Variants in ZSWIM6 observed in about 807,000 individuals in gnomAD.
ZSWIM6 encodes the protein zinc finger SWIM-type containing 6, also known as zinc finger SWIM domain-containing protein 6.
Under a neutral mutation model 113.2 loss-of-function variants are expected in ZSWIM6, and 9 were observed. That is an observed-to-expected ratio of 0.08 (90% CI 0.05 to 0.14). The LOEUF (loss-of-function observed/expected upper bound fraction) is 0.14. ZSWIM6 is among the 10% of genes least tolerant of loss of function. ZSWIM6 has a pLI of 1.00. For missense variants in ZSWIM6, 1,162 were observed against 1,552.2 expected (o/e 0.75, Z 4.22); for synonymous variants, 611 against 606.5 (o/e 1.01, Z -0.11).
At chr5:61,534,210 T>G (rs1006848436) in intron 9 of ZSWIM6, among the ~76,000 whole-genome samples, 1 of 152,190 alleles carries the variant, frequency 6.6e-6, no homozygotes, top group African/African-American at 2.4e-5. Context: ...TTGAAGAATA[T>G]CAAATCACTA....
In ZSWIM6 at chr5:61,543,196, GT is replaced by G. The variant is rs577963993; in HGVS notation, c.2786-258del. ...ATTGTCTGAAATGGCAAGCAGCACA[GT>G]ACAAATACCAGCTACCAAGAGGATT... On this transcript the variant is annotated intron_variant, in intron 13 of 13. Coordinates refer to ENST00000252744, the MANE Select transcript of ZSWIM6 (RefSeq NM_020928.2). The surrounding 1 kb of genome is among the most constrained non-coding windows in gnomAD (Gnocchi z 4.3). 5.1e-4 allele frequency among the ~76,000 whole-genome samples: 78 copies of G among 151,488 alleles called. No individual in the cohort carries two copies. The highest frequency in any genetic ancestry group is 1.8e-3 in the African/African-American group (75 of 41,278).
At position 61,531,405 on chromosome 5, in the gene ZSWIM6, TTATCA is replaced by T. The variant is rs754594592; in HGVS notation, c.1985-53_1985-49del. On this transcript the variant is annotated intron_variant, in intron 8 of 13. Coordinates refer to ENST00000252744, the MANE Select transcript of ZSWIM6 (RefSeq NM_020928.2). ...TACGGGGAAGTATAAATATTTGTACTTATCATATCATCTGCAAAAGTAGTTTCTGA... is the reference window on the plus strand; with the variant it reads ...TACGGGGAAGTATAAATATTTGTACTTATCATCTGCAAAAGTAGTTTCTGA... The T allele has an allele frequency of 3.1e-4, 459 of 1,502,534 alleles. 1 individual carries two copies. The highest frequency in any genetic ancestry group is 4.0e-4 in the Non-Finnish European group (442 of 1,116,602). The allele number at this position is 1,502,534 out of a possible 1,614,324, so 93.1% of individuals were successfully genotyped here. A position where few individuals can be genotyped will look rare whatever the true frequency, so the allele number is the denominator to read the frequency against.
At chr5:61,512,802 G>T (rs572348689) in intron 4 of ZSWIM6, among the ~76,000 whole-genome samples, 6 of 151,880 alleles carry the variant, frequency 4.0e-5, no homozygotes, top group African/African-American at 1.4e-4. Context: ...CTGAATTTTT[G>T]CCCTTTTCTG....
chr5:61,363,111 G>C (rs1745066040), intron 1 of ZSWIM6, among the ~76,000 whole-genome samples: 1 of 152,204 alleles, frequency 6.6e-6, no homozygotes, highest in Admixed American at 6.5e-5. Context: ...TAGGGAGCCA[G>C]CTTACATATT....
Position 61,492,847 on chromosome 5 carries a change from T to C in ZSWIM6, c.1183-1413T>C, listed in dbSNP as rs543475188. Among the ~76,000 whole-genome samples, 4 of 152,260 alleles carry C rather than the reference T, an allele frequency of 2.6e-5. No individual in the cohort carries two copies. In the East Asian group the frequency reaches 7.7e-4, roughly 29 times the overall value. On this transcript the variant is annotated intron_variant, in intron 3 of 13. Coordinates refer to ENST00000252744, the MANE Select transcript of ZSWIM6 (RefSeq NM_020928.2). ...TCTATTCTAGATTTGGGCTGCTTTA[T>C]TGAAGATCTACTATTTTCTCCTTTC...
At chr5:61,539,080 G>C in intron 11 of ZSWIM6, 109 bp downstream of exon 11, 1 of 1,221,084 alleles carries the variant, frequency 8.2e-7, no homozygotes, top group Non-Finnish European at 1.1e-6. Flanking sequence ...TGTCAGATAG[G>C]TTGAAGGGAT....
intron 1 of ZSWIM6, among the ~76,000 whole-genome samples, chr5:61,358,965 C>T (rs188065448): frequency 6.6e-6 from 1 of 152,266 alleles, no homozygotes; most frequent in Admixed American, 6.5e-5. Flanking sequence ...TGTCTGGGAA[C>T]TTTAATCTCT....
At chr5:61,486,267 G>A (rs1748018737) in intron 2 of ZSWIM6, among the ~76,000 whole-genome samples, 1 of 152,020 alleles carries the variant, frequency 6.6e-6, no homozygotes, top group Non-Finnish European at 1.5e-5. Flanking sequence ...TCCATCTATG[G>A]TGCTGCATGG....
chr5:61,443,455 C>T (rs920938333), intron 1 of ZSWIM6, among the ~76,000 whole-genome samples: 4 of 152,094 alleles, frequency 2.6e-5, no homozygotes, highest in Non-Finnish European at 5.9e-5. Flanking sequence ...CTGTATAATT[C>T]TAACATAACA....
chr5:61,494,159 G>A, intron 3 of ZSWIM6, 101 bp from the exon 4 acceptor site: 3 of 1,278,312 alleles, frequency 2.3e-6, no homozygotes, highest in Non-Finnish European at 2.2e-6. Context: ...GAGAGAGAGA[G>A]AGAAACAGAG....
chr5:61,439,545 T>C (rs1746780833), intron 1 of ZSWIM6, among the ~76,000 whole-genome samples: 1 of 152,244 alleles, frequency 6.6e-6, no homozygotes, highest in Non-Finnish European at 1.5e-5. Context: ...TGTGTATTTT[T>C]ATGTTTGCTT....
intron 1 of ZSWIM6, among the ~76,000 whole-genome samples, chr5:61,337,457 T>C (rs190479127): frequency 9.8e-5 from 15 of 152,374 alleles, no homozygotes; most frequent in East Asian, 1.9e-4. Flanking sequence ...CTAAGGAATT[T>C]ATCCTATAGA....
rs1374744257 is a variant in ZSWIM6 at position 61,546,015 on chromosome 5, T to G, written c.*1698T>G. On this transcript the variant is annotated 3_prime_UTR_variant, in exon 14 of 14. Transcript: ENST00000252744. ...AATAGGTAAAAAGAAAAAAAAAGGT[T>G]GTAATTCATCACCCATGTAAACATG... is the stretch of plus-strand genomic sequence containing the variant. The G allele has an allele frequency of 2.0e-5, 3 of 152,216 alleles. No individual in the cohort carries two copies. Among genetic ancestry groups the G allele is most frequent in the Admixed American group, 6.5e-5 (1 of 15,276 alleles). 9.4% of individuals were successfully genotyped at this position (152,216 alleles called of 1,614,324 possible).
At chr5:61,398,144 T>G (rs1579975352) in intron 1 of ZSWIM6, among the ~76,000 whole-genome samples, 1 of 152,140 alleles carries the variant, frequency 6.6e-6, no homozygotes, top group African/African-American at 2.4e-5. Context: ...CCCCAACCCC[T>G]GGGGCCATGG....
At chr5:61,524,238 A>G (rs1014887432) in intron 5 of ZSWIM6, among the ~76,000 whole-genome samples, 14 of 152,204 alleles carry the variant, frequency 9.2e-5, no homozygotes, top group Admixed American at 9.2e-4. Context: ...AAAAAGCCCC[A>G]ATAGATTCAA....
intron 1 of ZSWIM6, among the ~76,000 whole-genome samples, chr5:61,361,137 G>A (rs1356323061): frequency 6.6e-6 from 1 of 152,172 alleles, no homozygotes; most frequent in Non-Finnish European, 1.5e-5. Flanking sequence ...CTGGGCTGAA[G>A]GAGAGGGACT....
At position 61,395,644 on chromosome 5, in the gene ZSWIM6, ATGC is replaced by A. The variant is rs570330269; in HGVS notation, c.676+62701_676+62703del. Among the ~76,000 whole-genome samples, 34 of 152,296 alleles carry A rather than the reference ATGC, an allele frequency of 2.2e-4. 2 individuals are homozygous for A. The South Asian group carries it at 6.4e-3, about 29-fold the overall frequency. ...AAAAAACACTTGGTTAAAAATTTCTATGCTGCTTTTTGATATATCAGGAAAGAT... is the reference window on the plus strand; with the variant it reads ...AAAAAACACTTGGTTAAAAATTTCTATGCTTTTTGATATATCAGGAAAGAT... On this transcript the variant is annotated intron_variant, in intron 1 of 13. Transcript: ENST00000252744.
chr5:61,399,962 T>TA (rs1419975941), intron 1 of ZSWIM6, among the ~76,000 whole-genome samples: 1 of 152,020 alleles, frequency 6.6e-6, no homozygotes, highest in Non-Finnish European at 1.5e-5. Context: ...CACTCGGGGG[T>TA]ATAGATGATC....
chr5:61,458,890 G>GA lies in ZSWIM6; in HGVS notation c.677-13779dup, dbSNP rs1202552333. The stretch of plus-strand genomic sequence containing the variant: ...GAGATTCCTTCTCAAAAAAAAAAAA[G>GA]AAAAAAAAAAAAGGAGGCCAAAGAC... On this transcript the variant is annotated intron_variant, in intron 1 of 13. Coordinates refer to ENST00000252744, the MANE Select transcript of ZSWIM6 (RefSeq NM_020928.2). 8.9e-3 allele frequency among the ~76,000 whole-genome samples: 1,175 copies of GA among 131,576 alleles called. 11 individuals are homozygous for GA. Among genetic ancestry groups the GA allele is most frequent in the African/African-American group, 0.029 (1,053 of 35,946 alleles). 86.3% of individuals were successfully genotyped at this position (131,576 alleles called of 152,430 possible).
Sources: allele counts gnomAD v4.1 joint callset (sites outside exome capture counted in the v4.1 genomes callset), GRCh38; gene constraint gnomAD v4.1.1; non-coding constraint Gnocchi (gnomAD v3.1); transcripts MANE v1.5; gene names NCBI Gene and HGNC (gene_info 2026-07-23, HGNC 2026-07-21).